Variants in ACAT1 observed in about 807,000 individuals in gnomAD.
ACAT1 encodes the protein acetyl-CoA acetyltransferase 1.
In ACAT1, 28 loss-of-function variants were observed where a neutral mutation model predicts 47.3. That is an observed-to-expected ratio of 0.59 (90% CI 0.44 to 0.81). The LOEUF is 0.81. Among genes scored for constraint, ACAT1 ranks in the 30% least tolerant of loss-of-function variants. ACAT1 has a pLI of 0.00. For missense variants in ACAT1, 469 were observed against 524.3 expected, an observed-to-expected ratio of 0.89 and a Z score of 1.03; for synonymous variants, 181 against 173.6, an observed-to-expected ratio of 1.04 and a Z score of -0.34.
chr11:108,142,584 C>T (rs1429389133), intron 9 of ACAT1, 34 bp downstream of exon 9: 1 of 1,548,384 alleles, frequency 6.5e-7, no homozygotes, highest in Non-Finnish European at 8.9e-7. Flanking sequence ...CACCTGTAAT[C>T]CCAGCACTTT....
intron 1 of ACAT1, among the ~76,000 whole-genome samples, chr11:108,131,033 G>A (rs1293636569): frequency 3.9e-5 from 6 of 152,162 alleles, no homozygotes; most frequent in East Asian, 1.9e-4. Context: ...GATTACAGGC[G>A]TGAGCCACTT....
intron 11 of ACAT1, among the ~76,000 whole-genome samples, chr11:108,146,817 C>G (rs991825204): frequency 6.6e-6 from 1 of 152,200 alleles, no homozygotes; most frequent in Non-Finnish European, 1.5e-5. Flanking sequence ...CACGGTGGCT[C>G]ACGCCTGTAA....
At chr11:108,123,203 A>G (rs2077183670) in intron 1 of ACAT1, among the ~76,000 whole-genome samples, 1 of 152,072 alleles carries the variant, frequency 6.6e-6, no homozygotes, top group Non-Finnish European at 1.5e-5. Flanking sequence ...ATGCCACTGC[A>G]CTCCAGCCTG....
At chr11:108,138,682 C>A in intron 5 of ACAT1, 1 of 558,950 alleles carries the variant, frequency 1.8e-6, no homozygotes, top group Non-Finnish European at 3.2e-6. Flanking sequence ...CAGGTGTGAG[C>A]CACTGCACCC....
intron 5 of ACAT1, chr11:108,136,690 T>C (rs2077475228): frequency 6.6e-6 from 1 of 152,266 alleles, no homozygotes; most frequent in South Asian, 2.1e-4. Flanking sequence ...ACAGTCAGTT[T>C]TACTTTATAA....
intron 1 of ACAT1, among the ~76,000 whole-genome samples, chr11:108,130,398 T>A (rs1452446364): frequency 7.9e-5 from 12 of 152,094 alleles, no homozygotes; most frequent in Admixed American, 7.2e-4. Context: ...TATTATTTTT[T>A]AAATTTATTA....
chr11:108,122,532 T>C (rs1341995075), intron 1 of ACAT1, among the ~76,000 whole-genome samples: 1 of 152,228 alleles, frequency 6.6e-6, no homozygotes, highest in East Asian at 1.9e-4. Flanking sequence ...ATGTTTGTTT[T>C]TGTTGCAATG....
upstream of ACAT1, among the ~76,000 whole-genome samples, chr11:108,119,587 A>C (rs2077115399): frequency 6.6e-6 from 1 of 151,932 alleles, no homozygotes; most frequent in Non-Finnish European, 1.5e-5. Context: ...CCAGACCTTT[A>C]GTTTTCTGAG....
At chr11:108,146,063 A>C in intron 10 of ACAT1, 139 bp from the exon 11 acceptor site, 1 of 824,724 alleles carries the variant, frequency 1.2e-6, no homozygotes, top group Non-Finnish European at 1.9e-6. Context: ...AAAATCTGAA[A>C]ATAGAGATCC....
intron 9 of ACAT1, 176 bp downstream of exon 9, chr11:108,142,726 ACTC>A: frequency 1.7e-6 from 1 of 592,938 alleles, no homozygotes; most frequent in Non-Finnish European, 3.1e-6. Context: ...ACTACCATCT[ACTC>A]GGGAAGCTGA....
chr11:108,140,627 A>G (rs2077566303), intron 7 of ACAT1, among the ~76,000 whole-genome samples: 1 of 152,214 alleles, frequency 6.6e-6, no homozygotes. Flanking sequence ...TCACACCTGC[A>G]GGCTTTTGTG....
chr11:108,133,604 G>A (rs2077403818), intron 2 of ACAT1, among the ~76,000 whole-genome samples: 1 of 152,140 alleles, frequency 6.6e-6, no homozygotes. Context: ...AGAGAACTGG[G>A]AAGGATCTAC....
At position 108,140,144 on chromosome 11, in the gene ACAT1, C is replaced by T; in HGVS notation, c.659C>T (p.Thr220Ile). 1 of 1,613,978 alleles carries T rather than the reference C, an allele frequency of 6.2e-7. No individual in the cohort carries two copies. Among genetic ancestry groups the T allele is most frequent in the African/African-American group, 1.3e-5 (1 of 75,002 alleles). Residue 220 changes from threonine to isoleucine, a missense_variant, in exon 7 of 12, where the codon ACC becomes ATC. Coordinates refer to ENST00000265838, the MANE Select transcript of ACAT1 (RefSeq NM_000019.4). ...EQDAYAINSY[T>I]RSKAAWEAGK... is the part of the protein sequence containing the mutation. ...GACGCTTATGCTATTAATTCTTATA[C>T]CAGAAGTAAAGCAGCATGGGAAGCT...
chr11:108,126,815 A>T (rs1320551651), intron 1 of ACAT1, among the ~76,000 whole-genome samples: 34 of 2,838 alleles, frequency 0.012, no homozygotes, highest in East Asian at 0.048. Context: ...TTTTTTTGAG[A>T]TGGAGTCTTC....
At chr11:108,117,217 C>T (rs1864967594), upstream of ACAT1, among the ~76,000 whole-genome samples, 1 of 151,728 alleles carries the variant, frequency 6.6e-6, no homozygotes, top group African/African-American at 2.4e-5. Context: ...AAGGCTGAGG[C>T]AGGAGGATTA....
In ACAT1 at chr11:108,146,355, A is replaced by G. The variant is rs780994047; in HGVS notation, c.1159A>G (p.Ile387Val). The G allele has an allele frequency of 4.3e-6, 7 of 1,613,810 alleles. No homozygotes were observed. The highest frequency in any genetic ancestry group is 3.3e-5 in the South Asian group (3 of 91,088). ...AGGAGCTGTTTCTCTGGGACATCCA[A>G]TTGGGTAGGTAAAAATAATAACTAT... ...NGGAVSLGHP[I>V]GMSGARIVGH... The change falls in exon 11 of 12, where the codon ATT (isoleucine) becomes GTT (valine). Residue 387 changes from isoleucine to valine, a missense_variant. Physicochemically the swap from Ile to Val is conservative, Grantham distance 29 (BLOSUM62 3). Coordinates refer to ENST00000265838, the MANE Select transcript of ACAT1 (RefSeq NM_000019.4).
intron 1 of ACAT1, among the ~76,000 whole-genome samples, chr11:108,130,934 G>C (rs1283767706): frequency 6.6e-6 from 1 of 152,046 alleles, no homozygotes; most frequent in Non-Finnish European, 1.5e-5. Flanking sequence ...ATTTTTAGTA[G>C]AGACGGGGTT....
chr11:108,131,354 A>ATTCTTTTTTTTTTTTTTTTTT (rs2077353329), intron 1 of ACAT1, among the ~76,000 whole-genome samples: 1 of 62,660 alleles, frequency 1.6e-5, no homozygotes, highest in Non-Finnish European at 3.0e-5. Flanking sequence ...AAGACTTGGA[A>ATTCTTTTTTTTTTTTTTTTTT]TTTTTTTTTT....
chr11:108,146,172 G>C, intron 10 of ACAT1, 30 bp from the exon 11 acceptor site: 1 of 1,545,506 alleles, frequency 6.5e-7, no homozygotes, highest in Non-Finnish European at 8.9e-7. Context: ...CTAATTATTT[G>C]AACATCATCT....
Sources: allele counts gnomAD v4.1 joint callset (sites outside exome capture counted in the v4.1 genomes callset), GRCh38; gene constraint gnomAD v4.1.1; transcripts MANE v1.5; gene names NCBI Gene and HGNC (gene_info 2026-07-23, HGNC 2026-07-21).